Variants in NAA15 observed in about 807,000 individuals in gnomAD.
NAA15 encodes N-alpha-acetyltransferase 15, NatA auxiliary subunit, also known as N-terminal acetyltransferase.
NAA15 carries 34 observed loss-of-function variants against 114.0 expected under a neutral mutation model. The observed-to-expected ratio is 0.30, with a 90% CI of 0.23 to 0.40. The LOEUF is 0.40. Among genes scored for constraint, NAA15 ranks in the 10% least tolerant of loss-of-function variants. The probability of loss-of-function intolerance (pLI) is 1.00; values close to 1 mark genes in which losing one functional copy is unlikely to be tolerated. For missense variants in NAA15, 658 were observed against 1,004.5 expected (o/e 0.66, Z 4.66); for synonymous variants, 340 against 338.0 (o/e 1.01, Z -0.06).
chr4:139,306,706 A>G (rs1355693891), intron 1 of NAA15, among the ~76,000 whole-genome samples: 1 of 151,210 alleles, frequency 6.6e-6, no homozygotes, highest in African/African-American at 2.4e-5. Flanking sequence ...TGTTGATGCT[A>G]TTTGTTTATC....
chr4:139,308,561 G>A (rs1746104256), intron 1 of NAA15, among the ~76,000 whole-genome samples: 1 of 152,178 alleles, frequency 6.6e-6, no homozygotes, highest in African/African-American at 2.4e-5. Flanking sequence ...AGTTTGGTCT[G>A]TTCTGAAATC....
At chr4:139,330,720 A>G (rs1260714599) in intron 1 of NAA15, among the ~76,000 whole-genome samples, 1 of 152,190 alleles carries the variant, frequency 6.6e-6, no homozygotes. Flanking sequence ...ATGCAAAACA[A>G]CAGCATTGGA....
At chr4:139,341,169 A>G (rs1747374554) in intron 4 of NAA15, 100 bp downstream of exon 4, 7 of 844,566 alleles carry the variant, frequency 8.3e-6, no homozygotes, top group Non-Finnish European at 1.7e-6. Flanking sequence ...TTTTGAAAAT[A>G]ATTTAATTGA....
intron 11 of NAA15, among the ~76,000 whole-genome samples, chr4:139,358,735 A>G (rs886169603): frequency 2.6e-5 from 4 of 152,180 alleles, no homozygotes; most frequent in Non-Finnish European, 4.4e-5. Context: ...ATGTCTACTA[A>G]TGGTCCTAAT....
At chr4:139,317,405 C>CTT (rs1437158998) in intron 1 of NAA15, among the ~76,000 whole-genome samples, 1 of 152,046 alleles carries the variant, frequency 6.6e-6, no homozygotes, top group Non-Finnish European at 1.5e-5. Context: ...GGGTAGATCA[C>CTT]GAGGTCAAGA....
intron 3 of NAA15, among the ~76,000 whole-genome samples, chr4:139,340,170 A>G (rs1747334621): frequency 6.6e-6 from 1 of 152,088 alleles, no homozygotes; most frequent in Admixed American, 6.6e-5. Flanking sequence ...AAAAATAGAA[A>G]AAAATAGCTG....
rs144972277 is a variant in NAA15, at chr4:139,375,535, A to G, written c.1948-830A>G. Among the ~76,000 whole-genome samples, 1,149 of 152,060 alleles carry G rather than the reference A, an allele frequency of 7.6e-3. 7 individuals carry two copies. The highest frequency in any genetic ancestry group is 0.01 in the Non-Finnish European group (688 of 67,990). The stretch of plus-strand genomic sequence containing the variant: ...GTTTTGGTGAAATCACAATTACTCT[A>G]CTAACAGAGGCACGTTGACCAGATG... On this transcript the variant is annotated intron_variant, in intron 15 of 19. Transcript: ENST00000296543.
At chr4:139,357,948 A>G (rs553624520) in intron 11 of NAA15, among the ~76,000 whole-genome samples, 3 of 152,296 alleles carry the variant, frequency 2.0e-5, no homozygotes, top group Admixed American at 6.5e-5. Flanking sequence ...AACTGTGAAG[A>G]TTCTATTATG....
At chr4:139,320,990 A>G (rs1746578965) in intron 1 of NAA15, among the ~76,000 whole-genome samples, 1 of 152,128 alleles carries the variant, frequency 6.6e-6, no homozygotes, top group Admixed American at 6.5e-5. Context: ...TGGGCCTTTA[A>G]TAAGCTATTC....
intron 1 of NAA15, 169 bp downstream of exon 1, chr4:139,302,000 A>C: frequency 1.6e-6 from 1 of 644,892 alleles, no homozygotes; most frequent in Non-Finnish European, 2.5e-6. Flanking sequence ...GGTTCCTACT[A>C]TGGCCCGCGC....
At chr4:139,382,201 T>C (rs867726476) in intron 17 of NAA15, among the ~76,000 whole-genome samples, 3 of 152,098 alleles carry the variant, frequency 2.0e-5, no homozygotes, top group Non-Finnish European at 4.4e-5. Context: ...GCAGTAGAAT[T>C]TTTTTATCCT....
chr4:139,321,243 C>G (rs1245498572), intron 1 of NAA15, among the ~76,000 whole-genome samples: 1 of 151,916 alleles, frequency 6.6e-6, no homozygotes, highest in African/African-American at 2.4e-5. Context: ...CTTAAGGTGA[C>G]TTCTATTAAA....
intron 1 of NAA15, among the ~76,000 whole-genome samples, chr4:139,324,767 G>A (rs1746736106): frequency 6.6e-6 from 1 of 152,074 alleles, no homozygotes; most frequent in African/African-American, 2.4e-5. Flanking sequence ...GATATTTTTT[G>A]TTACTTTTTC....
chr4:139,315,001 T>TTCAGGTTAGGTTAGG (rs1181192026), intron 1 of NAA15, among the ~76,000 whole-genome samples: 3 of 74,378 alleles, frequency 4.0e-5, no homozygotes, highest in Non-Finnish European at 5.1e-5. Context: ...TTCAGTTCAG[T>TTCAGGTTAGGTTAGG]TTAGTTTAGG....
rs570759674 is a variant in NAA15, at chr4:139,304,067, G to A, written c.54+2236G>A. Among the ~76,000 whole-genome samples the A allele has an allele frequency of 5.9e-5, 9 of 152,238 alleles. No homozygotes were observed. In the South Asian group the frequency reaches 1.0e-3, roughly 18 times the overall value. ...CAAGTAGCTGGGACTACAGGTGCCC[G>A]CCACCACGCCTGGCTAATTTTTTGT... On this transcript the variant is annotated intron_variant, in intron 1 of 19. Coordinates refer to ENST00000296543, the MANE Select transcript of NAA15 (RefSeq NM_057175.5).
intron 14 of NAA15, among the ~76,000 whole-genome samples, chr4:139,368,565 A>G (rs992252195): frequency 6.6e-6 from 1 of 152,208 alleles, no homozygotes; most frequent in African/African-American, 2.4e-5. Context: ...TTTCCTCATA[A>G]GACAGGAGCT....
chr4:139,322,342 C>T (rs1483295724), intron 1 of NAA15, among the ~76,000 whole-genome samples: 1 of 152,226 alleles, frequency 6.6e-6, no homozygotes, highest in East Asian at 1.9e-4. Context: ...CTTTCACCTT[C>T]TGCCATGATT....
chr4:139,386,299 G>T (rs1317277268), intron 19 of NAA15, 69 bp downstream of exon 19: 2 of 816,138 alleles, frequency 2.5e-6, no homozygotes, highest in African/African-American at 3.5e-5. Flanking sequence ...AAATAATTGG[G>T]TATTTATACA....
At position 139,301,730 on chromosome 4, in the gene NAA15, G is replaced by A. The variant is rs1180051908; in HGVS notation, c.-48G>A. The A allele has an allele frequency of 2.6e-6, 4 of 1,536,536 alleles. No individual in the cohort carries two copies. The highest frequency in any genetic ancestry group is 3.5e-6 in the Non-Finnish European group (4 of 1,136,456). ...GGCAGCGGCGGCGGTCGGACAAACT[G>A]ACTGACCGAGCCGGGTGGTGGCGGG... On this transcript the variant is annotated 5_prime_UTR_variant, in exon 1 of 20. Transcript: ENST00000296543.
Sources: gnomAD v4.1 joint callset for allele counts (sites outside exome capture counted in the v4.1 genomes callset) on GRCh38, gnomAD v4.1.1 for gene constraint, MANE v1.5 for transcripts, NCBI Gene and HGNC (gene_info 2026-07-23, HGNC 2026-07-21) for gene names.